The following NOTCH1 variants were observed in gnomAD, a reference collection of about 807,000 sequenced individuals.
NOTCH1 encodes the protein notch receptor 1, also known as neurogenic locus notch homolog protein 1.
Under a neutral mutation model 254.8 loss-of-function variants are expected in NOTCH1, and 37 were observed. The ratio of observed to expected loss-of-function variants is 0.15; its 90% CI spans 0.11 to 0.19. The LOEUF is 0.19. Ranked by LOEUF, NOTCH1 falls within the 10% of genes least tolerant of loss-of-function variation. NOTCH1 has a pLI of 1.00. For synonymous variants in NOTCH1, 1,731 were observed against 1,618.1 expected, an observed-to-expected ratio of 1.07 and a Z score of -1.68; for missense variants, 2,972 against 3,708.6, an observed-to-expected ratio of 0.80 and a Z score of 5.16.
chr9:136,501,173 G>A (rs906198355), intron 30 of NOTCH1, among the ~76,000 whole-genome samples: 7 of 152,206 alleles, frequency 4.6e-5, no homozygotes, highest in Non-Finnish European at 1.0e-4. Context: ...GGAGGCTCAC[G>A]CTGTCATCCT....
intron 13 of NOTCH1, among the ~76,000 whole-genome samples, chr9:136,514,222 C>T (rs1843226711): frequency 6.6e-6 from 1 of 152,230 alleles, no homozygotes; most frequent in Non-Finnish European, 1.5e-5. Flanking sequence ...GCATCAGAAA[C>T]ACTTGCGGCT....
In NOTCH1 at chr9:136,505,163, C is replaced by T. The variant is rs544474399; in HGVS notation, c.4587-59G>A. 617 of 1,561,136 alleles carry T rather than the reference C, an allele frequency of 4.0e-4. 1 individual carries two copies. The highest frequency in any genetic ancestry group is 5.0e-4 in the Non-Finnish European group (578 of 1,152,430). ...CTCGGGGGGCCTCGCACCCGCCGTC[C>T]GGTGCCTCCAGCCCACTGGCCAGCC... On this transcript the variant is annotated intron_variant, in intron 25 of 33. Transcript: ENST00000651671.
At chr9:136,512,079 A>C (rs1046709084) in intron 15 of NOTCH1, among the ~76,000 whole-genome samples, 4 of 152,174 alleles carry the variant, frequency 2.6e-5, no homozygotes, top group Admixed American at 2.6e-4. Context: ...AGTTTCCGAC[A>C]ATTGTGCGAA....
chr9:136,529,923 C>T (rs1056516526), intron 2 of NOTCH1, among the ~76,000 whole-genome samples: 1 of 152,238 alleles, frequency 6.6e-6, no homozygotes, highest in Non-Finnish European at 1.5e-5. Flanking sequence ...CCACCACCTG[C>T]GGTCCCACCT....
Position 136,508,399 on chromosome 9 carries a change from G to C in NOTCH1, c.3172-14C>G. 1 of 1,613,020 alleles carries C rather than the reference G, an allele frequency of 6.2e-7. No individual in the cohort carries two copies. The highest frequency in any genetic ancestry group is 8.5e-7 in the Non-Finnish European group (1 of 1,179,978). ...GTGCACAAGGTTCTGGGGACAGATT[G>C]GGGTCAGCTGGGTGCCCGCGCCCCG... On this transcript the variant is annotated splice_polypyrimidine_tract_variant and intron_variant, in intron 19 of 33. Coordinates refer to ENST00000651671, the MANE Select transcript of NOTCH1 (RefSeq NM_017617.5).
chr9:136,520,432 G>A (rs933706440), intron 4 of NOTCH1, among the ~76,000 whole-genome samples: 1 of 152,082 alleles, frequency 6.6e-6, no homozygotes, highest in Non-Finnish European at 1.5e-5. Flanking sequence ...AGCTTGGGGA[G>A]CACCCAAAAC....
rs375041394 is a variant in NOTCH1 at position 136,515,734 on chromosome 9, C to T, written c.1670-18G>A. 115 of 1,529,670 alleles carry T rather than the reference C, an allele frequency of 7.5e-5. No homozygotes were observed. The highest frequency in any genetic ancestry group is 8.3e-5 in the Non-Finnish European group (95 of 1,142,864). 94.8% of individuals were successfully genotyped at this position (1,529,670 alleles called of 1,614,324 possible). A position where few individuals can be genotyped will look rare whatever the true frequency, so the allele number is the denominator to read the frequency against. On this transcript the variant is annotated intron_variant, in intron 10 of 33. Coordinates refer to ENST00000651671, the MANE Select transcript of NOTCH1 (RefSeq NM_017617.5). ...CGTGTACCCTGGACCGTGGGAGGGG[C>T]GGGCACAGGAAGACTTAGGACTGGC... is the stretch of plus-strand genomic sequence containing the variant.
At chr9:136,528,615 G>A (rs1391063433) in intron 2 of NOTCH1, among the ~76,000 whole-genome samples, 1 of 151,508 alleles carries the variant, frequency 6.6e-6, no homozygotes, top group Admixed American at 6.6e-5. Flanking sequence ...TTCCCAGAGG[G>A]GAAGGAACGG....
chr9:136,516,097 G>A lies in NOTCH1; in HGVS notation c.1556-3C>T. 1 of 1,607,230 alleles carries A rather than the reference G, an allele frequency of 6.2e-7. No homozygotes were observed. The highest frequency in any genetic ancestry group is 1.1e-5 in the South Asian group (1 of 91,028). On this transcript the variant is annotated splice_region_variant and splice_polypyrimidine_tract_variant and intron_variant, in intron 9 of 33. Transcript: ENST00000651671. ...CTGGCACAGATGCCCAGTGAAGCCT[G>A]GGGCCGGGGAGGGGAGGGGAGGGAG...
At position 136,494,533 on chromosome 9, in the gene NOTCH1, A is replaced by G. The variant is rs1214019600; in HGVS notation, c.*1538T>C. The G allele has an allele frequency of 5.0e-6, 2 of 398,916 alleles. No individual in the cohort carries two copies. Among genetic ancestry groups the G allele is most frequent in the Non-Finnish European group, 8.8e-6 (2 of 226,084 alleles). 24.7% of individuals were successfully genotyped at this position (398,916 alleles called of 1,614,324 possible). A position where few individuals can be genotyped will look rare whatever the true frequency, so the allele number is the denominator to read the frequency against. On this transcript the variant is annotated 3_prime_UTR_variant, in exon 34 of 34. Transcript: ENST00000651671. ...ACAGTTCCTCATGTAGATCACTTTT[A>G]AAGTCTTTTTCTGTAAACTACACTC... is the stretch of plus-strand genomic sequence containing the variant.
chr9:136,524,079 C>A, intron 2 of NOTCH1, 100 bp from the exon 3 acceptor site: 4 of 1,460,886 alleles, frequency 2.7e-6, no homozygotes, highest in Non-Finnish European at 3.7e-6. Flanking sequence ...CGCCTCCCCC[C>A]ACACCCCGGG....
chr9:136,526,598 T>A (rs1843464094), intron 2 of NOTCH1, among the ~76,000 whole-genome samples: 1 of 151,972 alleles, frequency 6.6e-6, no homozygotes, highest in African/African-American at 2.4e-5. Flanking sequence ...CCTAGAGCAG[T>A]CTCCCACCAA....
Position 136,501,824 on chromosome 9 carries a change from G to A in NOTCH1, c.5562C>T (p.Arg1854=), listed in dbSNP as rs777125560. ...GCGGTGTGGGGGCCATGGCAGACATGCGCAGGTCAGCGGCATCCAGGTGCT... is the reference window on the plus strand; with the variant it reads ...GCGGTGTGGGGGCCATGGCAGACATACGCAGGTCAGCGGCATCCAGGTGCT... ...TQQHLDAADL[R]MSAMAPTPPQ... The change falls in exon 30 of 34, where the codon CGC becomes CGT. Residue 1854 remains arginine (R), a synonymous_variant. Transcript: ENST00000651671. The A allele has an allele frequency of 2.0e-5, 33 of 1,612,778 alleles. No homozygotes were observed. Among genetic ancestry groups the A allele is most frequent in the Admixed American group, 5.0e-5 (3 of 60,018 alleles).
intron 31 of NOTCH1, 108 bp from the exon 32 acceptor site, chr9:136,499,367 C>T (rs965629458): frequency 1.2e-5 from 18 of 1,474,118 alleles, no homozygotes; most frequent in African/African-American, 9.7e-5. Context: ...CGGACACAGA[C>T]GAGACCCTCC....
chr9:136,508,872 G>T lies in NOTCH1; in HGVS notation c.3169C>A (p.Gln1057Lys). ...CPQGYTGPNC[Q>K]NLVHWCDSSP... ...ACCTCTGTGGCCGGCGCACTCACCTGGCAGTTGGGGCCAGTGTAGCCCTGG... is the reference window on the plus strand; with the variant it reads ...ACCTCTGTGGCCGGCGCACTCACCTTGCAGTTGGGGCCAGTGTAGCCCTGG... The change falls in exon 19 of 34, where the codon CAG becomes AAG. Residue 1057 changes from glutamine (Q) to lysine (K), a missense_variant and splice_region_variant. By Grantham distance (53) the Gln-to-Lys change is moderately conservative. This residue lies in a region of NOTCH1 where 1,343 missense variants were observed against 1,557.0 expected (regional missense o/e 0.86). Transcript: ENST00000651671. 1 of 1,543,896 alleles carries T rather than the reference G, an allele frequency of 6.5e-7. No homozygotes were observed. Among genetic ancestry groups the T allele is most frequent in the South Asian group, 1.2e-5 (1 of 83,884 alleles).
At position 136,508,954 on chromosome 9, in the gene NOTCH1, G is replaced by A. The variant is rs1278575888; in HGVS notation, c.3087C>T (p.Pro1029=). Residue 1029 remains proline (P), a synonymous_variant, in exon 19 of 34, where the codon CCC becomes CCT. Coordinates refer to ENST00000651671, the MANE Select transcript of NOTCH1 (RefSeq NM_017617.5). ...QHDVNECDSQ[P]CLHGGTCQDG... Reference sequence around the variant, plus strand: ...CCTGACAGGTGCCGCCATGCAGGCAGGGCTGTGAGTCGCACTCATTGACAT... The same window carrying A: ...CCTGACAGGTGCCGCCATGCAGGCAAGGCTGTGAGTCGCACTCATTGACAT... The A allele has an allele frequency of 1.9e-6, 3 of 1,551,814 alleles. No homozygotes were observed. Among genetic ancestry groups the A allele is most frequent in the Non-Finnish European group, 2.6e-6 (3 of 1,148,370 alleles).
At position 136,496,631 on chromosome 9, in the gene NOTCH1, T is replaced by A; in HGVS notation, c.7108A>T (p.Ser2370Cys). 6.2e-7 allele frequency: 1 copy of A among 1,613,144 alleles called. No homozygotes were observed. Among genetic ancestry groups the A allele is most frequent in the African/African-American group, 1.3e-5 (1 of 75,042 alleles). The change falls in exon 34 of 34, where the codon AGC (serine) becomes TGC (cysteine). Residue 2370 changes from serine (S) to cysteine (C), a missense_variant. Around this residue, in one of 8 missense-constraint regions of NOTCH1, gnomAD observed 529 missense variants for 529.2 expected, o/e 1.00. Coordinates refer to ENST00000651671, the MANE Select transcript of NOTCH1 (RefSeq NM_017617.5). The part of the protein sequence containing the change: ...SQMMSYQGLP[S>C]TRLATQPHLV... ...TGAGGCTGGGTGGCCAGCCGGGTGC[T>A]GGGCAGGCCCTGGTAGCTCATCATC...
At chr9:136,510,225 CCGAG>C (rs1843156905) in intron 17 of NOTCH1, among the ~76,000 whole-genome samples, 1 of 152,234 alleles carries the variant, frequency 6.6e-6, no homozygotes, top group African/African-American at 2.4e-5. Flanking sequence ...GCTTCACAGA[CCGAG>C]CAGGGGAGGA....
At chr9:136,499,422 CCT>C (rs1374418351) in intron 31 of NOTCH1, among the ~76,000 whole-genome samples, 163 bp from the exon 32 acceptor site, 1 of 152,230 alleles carries the variant, frequency 6.6e-6, no homozygotes, top group Non-Finnish European at 1.5e-5. Context: ...TGGGGCTGCC[CCT>C]GAGGAGGGGC....
Sources: allele counts gnomAD v4.1 joint callset (sites outside exome capture counted in the v4.1 genomes callset), GRCh38; gene constraint gnomAD v4.1.1; regional missense constraint gnomAD v4.1.1; transcripts MANE v1.5; gene names NCBI Gene and HGNC (gene_info 2026-07-23, HGNC 2026-07-21).